Variants in EPHA5 observed in about 807,000 individuals in gnomAD.
EPHA5 encodes ephrin type-A receptor 5.
Under a neutral mutation model 105.0 loss-of-function variants are expected in EPHA5, and 60 were observed. The ratio of observed to expected loss-of-function variants is 0.57; its 90% CI spans 0.46 to 0.71. The LOEUF is 0.71. Ranked by LOEUF, EPHA5 falls within the 30% of genes least tolerant of loss-of-function variation. The probability of loss-of-function intolerance (pLI) is 0.00; values close to 1 mark genes in which losing one functional copy is unlikely to be tolerated. For missense variants in EPHA5, 1,218 were observed against 1,274.7 expected (o/e 0.96, Z 0.68); for synonymous variants, 513 against 449.1 (o/e 1.14, Z -1.80).
intron 5 of EPHA5, among the ~76,000 whole-genome samples, chr4:65,458,731 T>C (rs182441522): frequency 6.6e-6 from 1 of 152,232 alleles, no homozygotes; most frequent in Admixed American, 6.5e-5. Flanking sequence ...TTTCTAATAG[T>C]AGGTATTCAA....
chr4:65,375,011 C>T (rs1362614626), intron 8 of EPHA5, among the ~76,000 whole-genome samples: 1 of 151,610 alleles, frequency 6.6e-6, no homozygotes, highest in Non-Finnish European at 1.5e-5. Flanking sequence ...AAATGTCATC[C>T]TTAATAGAAA....
intron 3 of EPHA5, among the ~76,000 whole-genome samples, chr4:65,583,505 A>G (rs749468307): frequency 6.6e-6 from 1 of 151,820 alleles, no homozygotes; most frequent in Non-Finnish European, 1.5e-5. Context: ...CAGTAAAATT[A>G]AACATGACAA....
At chr4:65,356,443 T>C (rs530350295) in intron 11 of EPHA5, among the ~76,000 whole-genome samples, 17 of 151,620 alleles carry the variant, frequency 1.1e-4, no homozygotes, top group African/African-American at 4.1e-4. Flanking sequence ...AAAGAGAATG[T>C]GCTGATCAGA....
chr4:65,533,861 G>A (rs1380376516), intron 3 of EPHA5, among the ~76,000 whole-genome samples: 5 of 151,900 alleles, frequency 3.3e-5, no homozygotes, highest in African/African-American at 4.8e-5. Context: ...TTGAACCTGG[G>A]AGGCAGAGTT....
chr4:65,454,654 C>T (rs772727340), intron 5 of EPHA5, among the ~76,000 whole-genome samples: 1 of 152,274 alleles, frequency 6.6e-6, no homozygotes, highest in East Asian at 1.9e-4. Flanking sequence ...CCACAAATTT[C>T]AAAGTGGATG....
intron 3 of EPHA5, among the ~76,000 whole-genome samples, chr4:65,501,913 G>A (rs1227657145): frequency 1.3e-5 from 2 of 151,390 alleles, no homozygotes; most frequent in Admixed American, 6.6e-5. Context: ...ACACATAAAC[G>A]AATGGAACAT....
At position 65,460,040 on chromosome 4, in the gene EPHA5, G is replaced by A. The variant is rs191848864; in HGVS notation, c.1402+30337C>T. On this transcript the variant is annotated intron_variant, in intron 5 of 16. Coordinates refer to ENST00000613740, the MANE Select transcript of EPHA5 (RefSeq NM_001281766.3). ...TATTAAATTAGCTTTGAATCTCGAC[G>A]TGAGAAACTGGAAAATAATGCATTC... Among the ~76,000 whole-genome samples, 14 of 151,648 alleles carry A rather than the reference G, an allele frequency of 9.2e-5. No individual in the cohort carries two copies. The East Asian group carries it at 1.9e-3, about 21-fold the overall frequency.
chr4:65,442,776 G>C (rs890888114), intron 5 of EPHA5, among the ~76,000 whole-genome samples: 2 of 152,082 alleles, frequency 1.3e-5, no homozygotes, highest in Admixed American at 1.3e-4. Context: ...AAACATTTTT[G>C]AAGACACTTT....
At chr4:65,637,679 A>G (rs771016659) in intron 2 of EPHA5, among the ~76,000 whole-genome samples, 19 of 150,722 alleles carry the variant, frequency 1.3e-4, no homozygotes, top group Non-Finnish European at 2.7e-4. Context: ...AAGGTCAAGG[A>G]AAGGATATTT....
intron 3 of EPHA5, among the ~76,000 whole-genome samples, chr4:65,582,095 A>C (rs769887012): frequency 1.3e-5 from 2 of 151,686 alleles, no homozygotes; most frequent in Non-Finnish European, 3.0e-5. Flanking sequence ...TGCATTAAAC[A>C]TGTCTGGATA....
chr4:65,353,210 T>C, intron 11 of EPHA5, 107 bp from the exon 12 acceptor site: 1 of 216,718 alleles, frequency 4.6e-6, no homozygotes, highest in Non-Finnish European at 9.3e-6. Flanking sequence ...TATATATATA[T>C]ATATATTTAA....
rs1346735203 is a variant in EPHA5 at position 65,322,716 on chromosome 4, G to T, written c.*1398C>A. 1 of 225,638 alleles carries T rather than the reference G, an allele frequency of 4.4e-6. No individual in the cohort carries two copies. Among genetic ancestry groups the T allele is most frequent in the Non-Finnish European group, 8.8e-6 (1 of 113,448 alleles). 14.0% of individuals were successfully genotyped at this position (225,638 alleles called of 1,614,324 possible). ...ATTGGTTCAATAAAATAAACTCAAA[G>T]CCATGTAACTGAATACAAACTGAAA... On this transcript the variant is annotated 3_prime_UTR_variant, in exon 17 of 17. Transcript: ENST00000613740.
At chr4:65,413,587 C>T (rs1281283204) in intron 7 of EPHA5, among the ~76,000 whole-genome samples, 3 of 152,100 alleles carry the variant, frequency 2.0e-5, no homozygotes, top group Non-Finnish European at 2.9e-5. Flanking sequence ...TACACACACA[C>T]ACAGACACAC....
At chr4:65,636,275 C>G (rs1374359959) in intron 2 of EPHA5, among the ~76,000 whole-genome samples, 1 of 152,068 alleles carries the variant, frequency 6.6e-6, no homozygotes, top group African/African-American at 2.4e-5. Flanking sequence ...AGAATGCAAC[C>G]CACTCTGGAC....
At chr4:65,387,703 C>T (rs1216590864) in intron 8 of EPHA5, among the ~76,000 whole-genome samples, 2 of 151,874 alleles carry the variant, frequency 1.3e-5, no homozygotes. Context: ...ATCAACAACA[C>T]AACAAATCAT....
intron 4 of EPHA5, among the ~76,000 whole-genome samples, chr4:65,495,053 A>T (rs917734689): frequency 5.9e-5 from 9 of 152,122 alleles, no homozygotes; most frequent in Non-Finnish European, 1.2e-4. Context: ...AAGAGGTTTT[A>T]ATGTAAACTG....
chr4:65,496,947 G>A (rs543319731), intron 3 of EPHA5, among the ~76,000 whole-genome samples: 1 of 152,252 alleles, frequency 6.6e-6, no homozygotes, highest in East Asian at 1.9e-4. Flanking sequence ...TCAGGTAAAT[G>A]CGCATGAAGT....
intron 7 of EPHA5, among the ~76,000 whole-genome samples, chr4:65,409,315 A>G (rs1257076637): frequency 3.9e-5 from 5 of 126,776 alleles, no homozygotes; most frequent in Admixed American, 7.6e-5. Flanking sequence ...CATTGTGCAC[A>G]TGTACCCTAA....
At chr4:65,623,816 G>A (rs1282294638) in intron 2 of EPHA5, among the ~76,000 whole-genome samples, 1 of 152,090 alleles carries the variant, frequency 6.6e-6, no homozygotes, top group Admixed American at 6.6e-5. Context: ...GAATTCACAT[G>A]AAAGATTATA....
Sources: gnomAD v4.1 joint callset for allele counts (sites outside exome capture counted in the v4.1 genomes callset) on GRCh38, gnomAD v4.1.1 for gene constraint, MANE v1.5 for transcripts, NCBI Gene and HGNC (gene_info 2026-07-23, HGNC 2026-07-21) for gene names.